The following HK1 variants were observed in gnomAD, a reference collection of about 807,000 sequenced individuals.
HK1 encodes the protein hexokinase 1.
HK1 carries 28 observed loss-of-function variants against 91.6 expected under a neutral mutation model. That is an observed-to-expected ratio of 0.31 (90% CI 0.23 to 0.42). The LOEUF is 0.42. Among genes scored for constraint, HK1 ranks in the 10% least tolerant of loss-of-function variants. HK1 has a pLI of 1.00. For synonymous variants in HK1, 430 were observed against 468.1 expected, an observed-to-expected ratio of 0.92 and a Z score of 1.05; for missense variants, 770 against 1,219.8, an observed-to-expected ratio of 0.63 and a Z score of 5.49.
intron 4 of HK1, among the ~76,000 whole-genome samples, chr10:69,366,296 G>C (rs1399401140): frequency 6.6e-6 from 1 of 152,174 alleles, no homozygotes; most frequent in Non-Finnish European, 1.5e-5. Context: ...GCTCGTAACT[G>C]GTCTACTCTG....
In HK1 at chr10:69,392,209, T is replaced by C. The variant is rs1464851057; in HGVS notation, c.2120T>C (p.Met707Thr). The C allele has an allele frequency of 1.2e-6, 2 of 1,614,010 alleles. No individual in the cohort carries two copies. Among genetic ancestry groups the C allele is most frequent in the Admixed American group, 3.3e-5 (2 of 59,996 alleles). Residue 707 changes from methionine (M) to threonine (T), a missense_variant, in exon 15 of 18, where the codon ATG becomes ACG. This residue lies in a region of HK1 where 152 missense variants were observed against 211.1 expected (regional missense o/e 0.72). Transcript: ENST00000359426. ...EGDQGQMCIN[M>T]EWGAFGDNGC... ...GACCAGGGGCAGATGTGCATCAACATGGAGTGGGGGGCCTTTGGGGACAAC... is the reference window on the plus strand; with the variant it reads ...GACCAGGGGCAGATGTGCATCAACACGGAGTGGGGGGCCTTTGGGGACAAC...
chr10:69,389,449 G>A (rs1240093243), intron 14 of HK1, 153 bp downstream of exon 14: 10 of 487,840 alleles, frequency 2.0e-5, no homozygotes, highest in African/African-American at 1.2e-4. Context: ...AGGGCTGGAC[G>A]AAGGCAGCAG....
chr10:69,275,223 A>T (rs199838150), intron 1 of HK1, among the ~76,000 whole-genome samples: 2 of 75,940 alleles, frequency 2.6e-5, no homozygotes. Context: ...AAACCAAAAA[A>T]CAAAAAACCT....
chr10:69,361,337 G>A (rs1440464066), intron 3 of HK1, among the ~76,000 whole-genome samples: 6 of 152,206 alleles, frequency 3.9e-5, no homozygotes, highest in South Asian at 4.1e-4. Context: ...TCCATCTGGC[G>A]CCTGCACAAA....
At chr10:69,397,783 A>G (rs924829619) in intron 16 of HK1, among the ~76,000 whole-genome samples, 1 of 152,224 alleles carries the variant, frequency 6.6e-6, no homozygotes, top group Admixed American at 6.5e-5. Context: ...AAATAAGACA[A>G]ATATATCAGG....
intron 1 of HK1, among the ~76,000 whole-genome samples, chr10:69,320,196 G>C (rs1466713584): frequency 6.6e-6 from 1 of 152,166 alleles, no homozygotes; most frequent in Non-Finnish European, 1.5e-5. Context: ...GGCAGAGCCA[G>C]TCAGGGGGAT....
At chr10:69,379,004 A>G (rs1262752235) in intron 8 of HK1, among the ~76,000 whole-genome samples, 4 of 152,180 alleles carry the variant, frequency 2.6e-5, no homozygotes, top group Admixed American at 6.5e-5. Flanking sequence ...GAACACTTGT[A>G]TATTGTTTGT....
At chr10:69,350,348 A>G (rs1478140917) in intron 2 of HK1, among the ~76,000 whole-genome samples, 2 of 152,220 alleles carry the variant, frequency 1.3e-5, no homozygotes, top group African/African-American at 4.8e-5. Context: ...AAAGTTTATC[A>G]GTTATCTTGT....
chr10:69,276,752 TTCAA>T (rs1331048870), intron 1 of HK1, among the ~76,000 whole-genome samples: 2 of 149,948 alleles, frequency 1.3e-5, no homozygotes, highest in South Asian at 2.1e-4. Flanking sequence ...CATCAAATCA[TTCAA>T]TCATTTAATT....
intron 2 of HK1, among the ~76,000 whole-genome samples, chr10:69,355,618 C>T (rs1849087928): frequency 6.6e-6 from 1 of 151,928 alleles, no homozygotes; most frequent in South Asian, 2.1e-4. Flanking sequence ...GGTGAAACCC[C>T]GTCTCTACTA....
At chr10:69,355,462 G>A (rs920104202) in intron 2 of HK1, among the ~76,000 whole-genome samples, 2 of 152,184 alleles carry the variant, frequency 1.3e-5, no homozygotes, top group African/African-American at 2.4e-5. Flanking sequence ...AGGTAGACAT[G>A]CAGACTAATG....
chr10:69,279,049 A>G (rs1478667654), intron 1 of HK1, among the ~76,000 whole-genome samples: 1 of 152,206 alleles, frequency 6.6e-6, no homozygotes. Context: ...CCCATTTCAT[A>G]GTAAGTTTCT....
At chr10:69,350,897 G>T (rs1364305412) in intron 2 of HK1, among the ~76,000 whole-genome samples, 2 of 151,252 alleles carry the variant, frequency 1.3e-5, no homozygotes, top group South Asian at 4.2e-4. Flanking sequence ...CTGGCCGGGC[G>T]CCGTGGCTCA....
rs777849213 is a variant in HK1, at chr10:69,398,758, G to A, written c.2539G>A (p.Glu847Lys). Residue 847 changes from glutamate to lysine, a missense_variant, in exon 17 of 18, where the codon GAG becomes AAG. By Grantham distance (56) the Glu-to-Lys change is moderately conservative (BLOSUM62 1). Coordinates refer to ENST00000359426, the MANE Select transcript of HK1 (RefSeq NM_000188.3). The stretch of plus-strand genomic sequence containing the variant: ...GGCTGCGGTTGTGGATAAGATCCGC[G>A]AGAACAGAGGACTGGACCGTCTGAA... ...GMAAVVDKIRENRGLDRLNVT... is the reference protein window; with the variant it reads ...GMAAVVDKIRKNRGLDRLNVT... 1.9e-6 allele frequency: 3 copies of A among 1,614,224 alleles called. No homozygotes were observed. Among genetic ancestry groups the A allele is most frequent in the East Asian group, 2.2e-5 (1 of 44,886 alleles).
intron 16 of HK1, among the ~76,000 whole-genome samples, chr10:69,395,358 A>G (rs912011169): frequency 1.3e-5 from 2 of 152,162 alleles, no homozygotes; most frequent in African/African-American, 4.8e-5. Flanking sequence ...CAGGCGGATC[A>G]TGAGGTCAGG....
intron 4 of HK1, 60 bp from the exon 5 acceptor site, chr10:69,368,476 G>A: frequency 7.0e-7 from 1 of 1,421,572 alleles, no homozygotes; most frequent in Non-Finnish European, 9.9e-7. Context: ...CAATGCCCAG[G>A]GCCTTGGGGT....
At chr10:69,331,228 G>A (rs908396678) in intron 1 of HK1, among the ~76,000 whole-genome samples, 3 of 152,198 alleles carry the variant, frequency 2.0e-5, no homozygotes, top group Admixed American at 6.5e-5. Flanking sequence ...AGGCTTCTGC[G>A]TCACCTAAAA....
chr10:69,395,745 G>C (rs1840106110), intron 16 of HK1, among the ~76,000 whole-genome samples: 1 of 152,174 alleles, frequency 6.6e-6, no homozygotes, highest in South Asian at 2.1e-4. Flanking sequence ...GGCCCACCTG[G>C]ATTTATCTGA....
chr10:69,272,996 C>T (rs1844248751), intron 1 of HK1, among the ~76,000 whole-genome samples: 1 of 147,350 alleles, frequency 6.8e-6, no homozygotes, highest in Admixed American at 6.7e-5. Context: ...TTTCTCTGTG[C>T]TTCCGTTTGC....
Sources: gnomAD v4.1 joint callset for allele counts (sites outside exome capture counted in the v4.1 genomes callset) on GRCh38, gnomAD v4.1.1 for gene constraint, gnomAD v4.1.1 regional missense constraint, MANE v1.5 for transcripts, NCBI Gene and HGNC (gene_info 2026-07-23, HGNC 2026-07-21) for gene names.